Variants in CDC42BPA observed in about 807,000 individuals in gnomAD.
CDC42BPA encodes the protein serine/threonine-protein kinase MRCK alpha.
Under a neutral mutation model 223.5 loss-of-function variants are expected in CDC42BPA, and 80 were observed. The ratio of observed to expected loss-of-function variants is 0.36; its 90% CI spans 0.30 to 0.43. The LOEUF (loss-of-function observed/expected upper bound fraction) is 0.43, where lower values mean the gene tolerates loss of function less well. CDC42BPA is among the 20% of genes least tolerant of loss of function. The pLI, the probability that CDC42BPA is intolerant of heterozygous loss-of-function variation, is 1.00. For missense variants in CDC42BPA, 1,743 were observed against 2,099.9 expected, an observed-to-expected ratio of 0.83 and a Z score of 3.32; for synonymous variants, 694 against 718.6, an observed-to-expected ratio of 0.97 and a Z score of 0.55.
intron 6 of CDC42BPA, among the ~76,000 whole-genome samples, chr1:227,149,466 G>A (rs1050550433): frequency 6.6e-6 from 1 of 152,036 alleles, no homozygotes. Flanking sequence ...TGAGTAAACT[G>A]TCTATTATGA....
intron 1 of CDC42BPA, among the ~76,000 whole-genome samples, chr1:227,258,448 A>G (rs946122718): frequency 1.3e-5 from 2 of 150,964 alleles, no homozygotes; most frequent in African/African-American, 5.0e-5. Context: ...ATAAATATTA[A>G]CAATATTAAG....
intron 17 of CDC42BPA, among the ~76,000 whole-genome samples, chr1:227,074,591 C>G (rs1679079061): frequency 6.6e-6 from 1 of 152,072 alleles, no homozygotes; most frequent in African/African-American, 2.4e-5. Flanking sequence ...TACAAAAGTC[C>G]AAGTTACTCA....
chr1:227,258,774 A>T (rs75890175), intron 1 of CDC42BPA, among the ~76,000 whole-genome samples: 2,305 of 151,316 alleles, frequency 0.015, 45 homozygotes, highest in South Asian at 0.024. Context: ...GTGCTTTTAT[A>T]CAAAGATATG....
At chr1:227,297,979 CACATATATACAT>C (rs1379688473) in intron 1 of CDC42BPA, among the ~76,000 whole-genome samples, 3 of 130,830 alleles carry the variant, frequency 2.3e-5, no homozygotes, top group African/African-American at 9.3e-5. Flanking sequence ...CACACACACA[CACATATATACAT>C]ATATATACAT....
At chr1:227,224,381 G>A (rs9426548) in intron 2 of CDC42BPA, among the ~76,000 whole-genome samples, 24,100 of 151,744 alleles carry the variant, frequency 0.16, 2,199 homozygotes, top group East Asian at 0.37. Context: ...TTACAGGTGC[G>A]TGCCACCACC....
Position 227,163,013 on chromosome 1 carries a change from C to CATGT in CDC42BPA, c.600-2378_600-2377insACAT, listed in dbSNP as rs35844975. ...TTCCAAACATGTGTATGTTTCCAAA[C>CATGT]GTGTATGTTTCCAAACATATGTGTT... On this transcript the variant is annotated intron_variant, in intron 5 of 36. Coordinates refer to ENST00000366766, the MANE Select transcript of CDC42BPA (RefSeq NM_001394014.1). Among the ~76,000 whole-genome samples the CATGT allele has an allele frequency of 9.7e-3, 599 of 61,918 alleles. 17 individuals are homozygous for CATGT. The highest frequency in any genetic ancestry group is 0.026 in the African/African-American group (553 of 21,564). The allele number at this position is 61,918 out of a possible 152,430, so 40.6% of individuals were successfully genotyped here. A position where few individuals can be genotyped will look rare whatever the true frequency, so the allele number is the denominator to read the frequency against.
At chr1:227,123,300 T>C (rs936666443) in intron 11 of CDC42BPA, among the ~76,000 whole-genome samples, 1 of 152,188 alleles carries the variant, frequency 6.6e-6, no homozygotes, top group Non-Finnish European at 1.5e-5. Context: ...AGACTCTGTC[T>C]CAAAAGAAAA....
chr1:227,304,311 CAGA>C (rs1275979364), intron 1 of CDC42BPA, among the ~76,000 whole-genome samples: 1 of 151,686 alleles, frequency 6.6e-6, no homozygotes, highest in Non-Finnish European at 1.5e-5. Flanking sequence ...GAGGCTGAGG[CAGA>C]AGAATTGCTT....
chr1:227,209,045 G>A (rs977466061), intron 3 of CDC42BPA, among the ~76,000 whole-genome samples: 2 of 150,764 alleles, frequency 1.3e-5, no homozygotes, highest in African/African-American at 2.4e-5. Flanking sequence ...GCAGTGGTTT[G>A]TAGTTCTCCT....
rs551141418 is a variant in CDC42BPA, at chr1:227,149,754, C to T, written c.694-2195G>A. 7.2e-5 allele frequency among the ~76,000 whole-genome samples: 11 copies of T among 151,972 alleles called. No individual in the cohort carries two copies. The South Asian group carries it at 1.2e-3, about 17-fold the overall frequency. ...GCATCTAATATGAAGACTTAAAAAACGGAAAATTTGGAAGAAAGGCTAAGA... is the reference window on the plus strand; with the variant it reads ...GCATCTAATATGAAGACTTAAAAAATGGAAAATTTGGAAGAAAGGCTAAGA... On this transcript the variant is annotated intron_variant, in intron 6 of 36. Coordinates refer to ENST00000366766, the MANE Select transcript of CDC42BPA (RefSeq NM_001394014.1).
chr1:227,278,544 G>A (rs1046453617), intron 1 of CDC42BPA, among the ~76,000 whole-genome samples: 1 of 152,094 alleles, frequency 6.6e-6, no homozygotes, highest in African/African-American at 2.4e-5. Context: ...TTTGTTTCTT[G>A]CATGGGATCA....
chr1:227,264,299 T>C (rs1418896478), intron 1 of CDC42BPA, among the ~76,000 whole-genome samples: 1 of 152,214 alleles, frequency 6.6e-6, no homozygotes, highest in Non-Finnish European at 1.5e-5. Context: ...AGATGCTTGC[T>C]GGCTCTAATA....
intron 23 of CDC42BPA, among the ~76,000 whole-genome samples, chr1:227,046,944 T>C (rs1349099940): frequency 2.0e-5 from 3 of 152,330 alleles, no homozygotes; most frequent in African/African-American, 7.2e-5. Context: ...GATGATAATC[T>C]CATTTTCTTT....
intron 5 of CDC42BPA, among the ~76,000 whole-genome samples, chr1:227,163,136 G>A: frequency 1.3e-5 from 1 of 74,706 alleles, no homozygotes; most frequent in African/African-American, 5.2e-5. Context: ...AAACATATGT[G>A]TGTGTATGTT....
rs1660859101 is a variant in CDC42BPA, at chr1:226,992,359, G to A, written c.*1909C>T. 1 of 152,246 alleles carries A rather than the reference G, an allele frequency of 6.6e-6. No individual in the cohort carries two copies. Among genetic ancestry groups the A allele is most frequent in the Non-Finnish European group, 1.5e-5 (1 of 68,048 alleles). The allele number at this position is 152,246 out of a possible 1,614,324, so 9.4% of individuals were successfully genotyped here. On this transcript the variant is annotated 3_prime_UTR_variant, in exon 37 of 37. Transcript: ENST00000366766. ...GGCACCAAACTCAGAATGTTTAAAT[G>A]TCAAAGCTGTTACATGAAAATTCCC... is the stretch of plus-strand genomic sequence containing the variant.
intron 2 of CDC42BPA, among the ~76,000 whole-genome samples, chr1:227,249,264 C>T (rs1478537919): frequency 6.6e-6 from 1 of 152,152 alleles, no homozygotes; most frequent in Non-Finnish European, 1.5e-5. Context: ...TATCTCTCAC[C>T]TTACATAAAA....
chr1:227,078,976 C>T (rs6682849), intron 17 of CDC42BPA, among the ~76,000 whole-genome samples: 30,090 of 151,932 alleles, frequency 0.2, 3,075 homozygotes, highest in East Asian at 0.26. Context: ...ATCCAAAATA[C>T]TTCCGGTCCC....
chr1:227,001,736 G>A (rs1291585029), intron 35 of CDC42BPA, among the ~76,000 whole-genome samples: 2 of 151,918 alleles, frequency 1.3e-5, no homozygotes, highest in Non-Finnish European at 2.9e-5. Context: ...GTGAAACCCC[G>A]TCTCTACTAA....
Position 227,079,832 on chromosome 1 carries a change from T to C in CDC42BPA, c.2480+1061A>G, listed in dbSNP as rs183554870. On this transcript the variant is annotated intron_variant, in intron 17 of 36. Coordinates refer to ENST00000366766, the MANE Select transcript of CDC42BPA (RefSeq NM_001394014.1). ...GCTGGGTATCCTTTACATGAAATGC[T>C]TGAGACCAAAAGTATTTTGGATTTC... 6.0e-3 allele frequency among the ~76,000 whole-genome samples: 906 copies of C among 151,938 alleles called. 10 individuals carry two copies. Among genetic ancestry groups the C allele is most frequent in the African/African-American group, 0.021 (853 of 41,514 alleles).
Sources: gnomAD v4.1 joint callset for allele counts (sites outside exome capture counted in the v4.1 genomes callset) on GRCh38, gnomAD v4.1.1 for gene constraint, MANE v1.5 for transcripts, NCBI Gene and HGNC (gene_info 2026-07-23, HGNC 2026-07-21) for gene names.